CSMD1: variants seen among roughly 807,000 people sequenced by gnomAD.
CSMD1 encodes CUB and sushi domain-containing protein 1.
In CSMD1, 213 loss-of-function variants were observed where a neutral mutation model predicts 417.5. The ratio of observed to expected loss-of-function variants is 0.51; its 90% CI spans 0.46 to 0.57. The LOEUF (loss-of-function observed/expected upper bound fraction) is 0.57. Ranked by LOEUF, CSMD1 falls within the 20% of genes least tolerant of loss-of-function variation. CSMD1 has a pLI of 0.00. For synonymous variants in CSMD1, 2,862 were observed against 1,736.8 expected (o/e 1.65, Z -16.11); for missense variants, 6,923 against 4,529.7 (o/e 1.53, Z -15.17).
chr8:3,581,360 CT>C (rs1399445133), intron 9 of CSMD1, among the ~76,000 whole-genome samples: 15 of 152,278 alleles, frequency 9.9e-5, no homozygotes, highest in African/African-American at 3.6e-4. Flanking sequence ...AACAAAATCA[CT>C]TGTATAATTA....
chr8:2,957,602 A>G (rs2128923276), intron 63 of CSMD1, 94 bp downstream of exon 63: 1 of 878,232 alleles, frequency 1.1e-6, no homozygotes, highest in Non-Finnish European at 1.8e-6. Flanking sequence ...GGAATTAAAA[A>G]CAATTTCTCA....
chr8:4,390,830 C>T (rs912663661), intron 3 of CSMD1, among the ~76,000 whole-genome samples: 4 of 152,100 alleles, frequency 2.6e-5, no homozygotes, highest in African/African-American at 7.2e-5. Context: ...CATGAGCCAC[C>T]ATGCCCGGCC....
chr8:3,424,102 T>C (rs1813669574), intron 12 of CSMD1, among the ~76,000 whole-genome samples: 1 of 152,212 alleles, frequency 6.6e-6, no homozygotes, highest in Non-Finnish European at 1.5e-5. Context: ...CAATTATAAG[T>C]ATGAACACAA....
intron 3 of CSMD1, among the ~76,000 whole-genome samples, chr8:4,380,703 G>C (rs922781502): frequency 3.3e-5 from 5 of 152,276 alleles, no homozygotes; most frequent in South Asian, 2.1e-4. Context: ...TAATAACAGA[G>C]GATTGTGGAT....
chr8:3,386,053 G>A (rs1355321468), intron 18 of CSMD1, among the ~76,000 whole-genome samples: 1 of 152,146 alleles, frequency 6.6e-6, no homozygotes, highest in Admixed American at 6.5e-5. Flanking sequence ...ATTTAAGATT[G>A]GTAAGTGGCA....
intron 14 of CSMD1, among the ~76,000 whole-genome samples, chr8:3,406,998 G>T (rs1055942521): frequency 6.6e-6 from 1 of 152,116 alleles, no homozygotes; most frequent in African/African-American, 2.4e-5. Context: ...TGAGTGGGTG[G>T]GTGGATGGTT....
intron 5 of CSMD1, among the ~76,000 whole-genome samples, chr8:3,916,308 T>A (rs139239047): frequency 2.4e-4 from 37 of 152,224 alleles, no homozygotes; most frequent in African/African-American, 8.7e-4. Flanking sequence ...CACCTGGTTC[T>A]CAGCACTACG....
rs148019536 is a variant in CSMD1 at position 4,822,034 on chromosome 8, T to C, written c.85+172298A>G. Among the ~76,000 whole-genome samples the C allele has an allele frequency of 5.3e-5, 8 of 152,274 alleles. No homozygotes were observed. The East Asian group carries it at 1.5e-3, about 29-fold the overall frequency. On this transcript the variant is annotated intron_variant, in intron 1 of 69. Coordinates refer to ENST00000635120, the MANE Select transcript of CSMD1 (RefSeq NM_033225.6). ...GATGTCATCACTACTATGGGAATTATTACATTCCCTCTTTCCCTTTTCTAT... is the reference window on the plus strand; with the variant it reads ...GATGTCATCACTACTATGGGAATTACTACATTCCCTCTTTCCCTTTTCTAT...
intron 3 of CSMD1, among the ~76,000 whole-genome samples, chr8:4,095,015 T>A (rs956032085): frequency 1.3e-5 from 2 of 152,162 alleles, no homozygotes; most frequent in Non-Finnish European, 2.9e-5. Context: ...GGAGAGACCA[T>A]GGCAACAAAG....
chr8:3,785,663 C>T (rs1262722056), intron 5 of CSMD1, among the ~76,000 whole-genome samples: 2 of 152,138 alleles, frequency 1.3e-5, no homozygotes, highest in South Asian at 2.1e-4. Flanking sequence ...GTTGGCATCG[C>T]CCTGAGGGTG....
chr8:3,077,162 G>A (rs546707882), intron 49 of CSMD1, among the ~76,000 whole-genome samples: 1 of 152,188 alleles, frequency 6.6e-6, no homozygotes, highest in Non-Finnish European at 1.5e-5. Context: ...AATCAGAATC[G>A]TGCAGGGCTG....
At chr8:3,926,349 CTTATT>C (rs1217223641) in intron 5 of CSMD1, among the ~76,000 whole-genome samples, 26 of 151,962 alleles carry the variant, frequency 1.7e-4, no homozygotes, top group South Asian at 6.2e-4. Flanking sequence ...TTTATCTTAT[CTTATT>C]TTATGTTTTT....
intron 25 of CSMD1, among the ~76,000 whole-genome samples, chr8:3,301,720 T>C (rs2117344129): frequency 6.6e-6 from 1 of 152,164 alleles, no homozygotes; most frequent in Non-Finnish European, 1.5e-5. Context: ...CTAAGCCAAA[T>C]TCTAGAGGGT....
At chr8:4,756,500 T>C (rs977594874) in intron 1 of CSMD1, among the ~76,000 whole-genome samples, 2 of 152,236 alleles carry the variant, frequency 1.3e-5, no homozygotes, top group African/African-American at 4.8e-5. Context: ...AAATAATATT[T>C]GTTTTAACCC....
chr8:4,214,691 G>A (rs1240341132), intron 3 of CSMD1, among the ~76,000 whole-genome samples: 1 of 152,156 alleles, frequency 6.6e-6, no homozygotes, highest in African/African-American at 2.4e-5. Flanking sequence ...TGGTGTGTGT[G>A]TAGCTAACGT....
rs185723210 is a variant in CSMD1 at position 3,207,436 on chromosome 8, T to C, written c.4868-1816A>G. On this transcript the variant is annotated intron_variant, in intron 30 of 69. Coordinates refer to ENST00000635120, the MANE Select transcript of CSMD1 (RefSeq NM_033225.6). ...GGGATTACAAACGTGAGCCACTGAG[T>C]CCGGCCACAATGGCAATTTTCAAGC... 3.2e-3 allele frequency among the ~76,000 whole-genome samples: 488 copies of C among 151,920 alleles called. 5 individuals carry two copies. Among genetic ancestry groups the C allele is most frequent in the African/African-American group, 0.011 (456 of 41,416 alleles).
chr8:4,139,091 C>G (rs117392332), intron 3 of CSMD1, among the ~76,000 whole-genome samples: 1 of 152,118 alleles, frequency 6.6e-6, no homozygotes, highest in Non-Finnish European at 1.5e-5. Flanking sequence ...TTTTACCGAC[C>G]ACAACACAGC....
At position 3,411,774 on chromosome 8, in the gene CSMD1, G is replaced by GTA. The variant is rs563672441; in HGVS notation, c.1562-2171_1562-2170dup. 5.4e-4 allele frequency among the ~76,000 whole-genome samples: 62 copies of GTA among 115,240 alleles called. 1 individual carries two copies. The South Asian group carries it at 6.3e-3, about 12-fold the overall frequency. The allele number at this position is 115,240 out of a possible 152,430, so 75.6% of individuals were successfully genotyped here. A position where few individuals can be genotyped will look rare whatever the true frequency, so the allele number is the denominator to read the frequency against. On this transcript the variant is annotated intron_variant, in intron 12 of 69. Transcript: ENST00000635120. The stretch of plus-strand genomic sequence containing the variant: ...CGTGTATATACGTGTATATACGTGT[G>GTA]TATATACCTGTATATATACACGTAT...
intron 5 of CSMD1, among the ~76,000 whole-genome samples, chr8:3,874,206 C>T (rs1805665510): frequency 6.6e-6 from 1 of 152,084 alleles, no homozygotes; most frequent in Admixed American, 6.6e-5. Flanking sequence ...TGGAGAAGAC[C>T]TTCCTAACCT....
Sources: allele counts gnomAD v4.1 joint callset (sites outside exome capture counted in the v4.1 genomes callset), GRCh38; gene constraint gnomAD v4.1.1; transcripts MANE v1.5; gene names NCBI Gene and HGNC (gene_info 2026-07-23, HGNC 2026-07-21).